The following SVOP variants were observed in gnomAD, a reference collection of about 807,000 sequenced individuals.
SVOP encodes synaptic vesicle 2-related protein.
In SVOP, 17 loss-of-function variants were observed where a neutral mutation model predicts 69.1. The observed-to-expected ratio is 0.25, with a 90% CI of 0.17 to 0.37. The LOEUF (loss-of-function observed/expected upper bound fraction) is 0.37. Among genes scored for constraint, SVOP ranks in the 10% least tolerant of loss-of-function variants. The pLI, the probability that SVOP is intolerant of heterozygous loss-of-function variation, is 1.00. For missense variants in SVOP, 435 were observed against 597.5 expected, an observed-to-expected ratio of 0.73 and a Z score of 2.84; for synonymous variants, 238 against 238.6, an observed-to-expected ratio of 1.00 and a Z score of 0.02.
At chr12:108,989,241 T>A (rs2137443241) in intron 1 of SVOP, among the ~76,000 whole-genome samples, 1 of 152,288 alleles carries the variant, frequency 6.6e-6, no homozygotes, top group South Asian at 2.1e-4. Flanking sequence ...CCTAGCTTTT[T>A]GTTAGTTTGT....
At chr12:108,998,544 T>A (rs1195419197) in intron 1 of SVOP, among the ~76,000 whole-genome samples, 1 of 151,974 alleles carries the variant, frequency 6.6e-6, no homozygotes, top group African/African-American at 2.4e-5. Flanking sequence ...GGAAAAAATG[T>A]TAAGGGCAGC....
At chr12:108,930,913 C>T (rs2039813357) in intron 11 of SVOP, among the ~76,000 whole-genome samples, 1 of 152,230 alleles carries the variant, frequency 6.6e-6, no homozygotes, top group Non-Finnish European at 1.5e-5. Flanking sequence ...ATATGCCGTC[C>T]ACTGTTGTGC....
intron 4 of SVOP, among the ~76,000 whole-genome samples, chr12:108,972,740 G>A (rs1195504434): frequency 2.0e-5 from 3 of 152,222 alleles, no homozygotes; most frequent in Non-Finnish European, 4.4e-5. Flanking sequence ...GCGTCACAGA[G>A]GCGTTAAGTG....
intron 13 of SVOP, among the ~76,000 whole-genome samples, chr12:108,918,426 G>C (rs911602403): frequency 2.0e-5 from 3 of 152,250 alleles, no homozygotes; most frequent in African/African-American, 7.2e-5. Flanking sequence ...GAATTTGGCT[G>C]AGGGTGGAGC....
In SVOP at chr12:108,953,389, C is replaced by T. The variant is rs568089873; in HGVS notation, c.578+7534G>A. Among the ~76,000 whole-genome samples, 204 of 148,962 alleles carry T rather than the reference C, an allele frequency of 1.4e-3. 2 individuals carry two copies. Among genetic ancestry groups the T allele is most frequent in the African/African-American group, 4.8e-3 (194 of 40,604 alleles). On this transcript the variant is annotated intron_variant, in intron 6 of 15. Transcript: ENST00000610966. The stretch of plus-strand genomic sequence containing the variant: ...TCTCAAACTCCCGACCTCGGGTGAT[C>T]TGCCCGCCTCAGCCTCCCAAAGTGC...
At chr12:108,914,932 T>C (rs2039704473) in intron 15 of SVOP, among the ~76,000 whole-genome samples, 5 of 151,448 alleles carry the variant, frequency 3.3e-5, no homozygotes, top group Admixed American at 1.3e-4. Context: ...TCCCAGCACT[T>C]TGGAGGCCGA....
chr12:108,948,203 T>C (rs949364736), intron 6 of SVOP, among the ~76,000 whole-genome samples: 5 of 152,170 alleles, frequency 3.3e-5, no homozygotes, highest in Non-Finnish European at 5.9e-5. Context: ...AGAAACCACA[T>C]CCTTGTGAAC....
intron 6 of SVOP, 35 bp from the exon 7 acceptor site, chr12:108,945,201 A>G (rs1370921270): frequency 6.5e-7 from 1 of 1,534,152 alleles, no homozygotes; most frequent in Admixed American, 2.0e-5. Context: ...GGGAGTTAAG[A>G]TCAGAACTGG....
At chr12:108,969,716 T>TTCCTTCCTTCCTTCC (rs200885990) in intron 5 of SVOP, among the ~76,000 whole-genome samples, 95,170 of 146,794 alleles carry the variant, frequency 0.65, 31,460 homozygotes, top group South Asian at 0.76. Context: ...CTCCTTTTTT[T>TTCCTTCCTTCCTTCC]TCCTTCCTTC....
At chr12:109,006,445 G>A (rs2040308148) in intron 1 of SVOP, among the ~76,000 whole-genome samples, 1 of 152,140 alleles carries the variant, frequency 6.6e-6, no homozygotes, top group African/African-American at 2.4e-5. Flanking sequence ...GATATACTCT[G>A]TCATACTTAC....
chr12:108,960,247 T>C (rs2040009972), intron 6 of SVOP, among the ~76,000 whole-genome samples: 1 of 152,146 alleles, frequency 6.6e-6, no homozygotes, highest in African/African-American at 2.4e-5. Context: ...TGTGTTCCAA[T>C]AAAACTTTAT....
At chr12:108,968,426 A>G (rs1263355481) in intron 5 of SVOP, among the ~76,000 whole-genome samples, 2 of 152,302 alleles carry the variant, frequency 1.3e-5, no homozygotes, top group East Asian at 3.9e-4. Context: ...CTAATAAATG[A>G]TTAGAACAGA....
At chr12:108,925,320 G>A (rs548593188) in intron 11 of SVOP, among the ~76,000 whole-genome samples, 6 of 150,598 alleles carry the variant, frequency 4.0e-5, no homozygotes, top group South Asian at 2.1e-4. Flanking sequence ...TGGCTTTACC[G>A]TGCCGGGGGA....
At chr12:108,954,026 C>T (rs985669377) in intron 6 of SVOP, among the ~76,000 whole-genome samples, 4 of 148,336 alleles carry the variant, frequency 2.7e-5, no homozygotes, top group South Asian at 2.1e-4. Context: ...GTGGGAGGAT[C>T]GCTTGAACCC....
At chr12:108,919,814 A>T in intron 12 of SVOP, 28 bp from the exon 13 acceptor site, 1 of 1,488,624 alleles carries the variant, frequency 6.7e-7, no homozygotes, top group Non-Finnish European at 9.2e-7. Flanking sequence ...AGAGATAGGC[A>T]GCTTCCGATG....
At chr12:109,002,663 A>G (rs1322807635) in intron 1 of SVOP, among the ~76,000 whole-genome samples, 4 of 151,970 alleles carry the variant, frequency 2.6e-5, no homozygotes, top group Non-Finnish European at 5.9e-5. Flanking sequence ...TTGTAGGGAC[A>G]TGGATGAAAT....
At chr12:108,923,374 C>T (rs1457196264) in intron 11 of SVOP, among the ~76,000 whole-genome samples, 2 of 152,146 alleles carry the variant, frequency 1.3e-5, no homozygotes, top group Non-Finnish European at 2.9e-5. Flanking sequence ...GGAGGGGAGC[C>T]TCTAGTTGCT....
intron 1 of SVOP, among the ~76,000 whole-genome samples, chr12:108,988,073 G>A (rs750869453): frequency 3.0e-5 from 4 of 134,266 alleles, no homozygotes; most frequent in Non-Finnish European, 4.9e-5. Flanking sequence ...AGGTGCACAC[G>A]GCCATGCCTG....
chr12:108,921,079 T>C lies in SVOP; in HGVS notation c.1157-1293A>G, dbSNP rs555295012. Among the ~76,000 whole-genome samples the C allele has an allele frequency of 3.3e-3, 483 of 147,066 alleles. 1 individual carries two copies. Among genetic ancestry groups the C allele is most frequent in the African/African-American group, 0.013 (473 of 37,048 alleles). The stretch of plus-strand genomic sequence containing the variant: ...AAACCAAATAAAACAATACACATAG[T>C]AAATAAAGAAGAATCTGGGTTTCAG... On this transcript the variant is annotated intron_variant, in intron 12 of 15. Coordinates refer to ENST00000610966, the MANE Select transcript of SVOP (RefSeq NM_018711.5).
Sources: gnomAD v4.1 joint callset for allele counts (sites outside exome capture counted in the v4.1 genomes callset) on GRCh38, gnomAD v4.1.1 for gene constraint, MANE v1.5 for transcripts, NCBI Gene and HGNC (gene_info 2026-07-23, HGNC 2026-07-21) for gene names.